The following CTDSPL variants were observed in gnomAD, a reference collection of about 807,000 sequenced individuals.
The protein encoded by CTDSPL is CTD small phosphatase-like protein.
A neutral mutation model predicts 30.5 loss-of-function variants in CTDSPL; 8 were observed. That is an observed-to-expected ratio of 0.26 (90% confidence interval 0.15 to 0.47). The LOEUF (loss-of-function observed/expected upper bound fraction) is 0.47, where lower values mean the gene tolerates loss of function less well. Ranked by LOEUF, CTDSPL falls within the 20% of genes least tolerant of loss-of-function variation. The probability of loss-of-function intolerance (pLI) is 0.99; values close to 1 mark genes in which losing one functional copy is unlikely to be tolerated. For missense variants in CTDSPL, 248 were observed against 366.1 expected, an observed-to-expected ratio of 0.68 and a Z score of 2.63; for synonymous variants, 110 against 137.9, an observed-to-expected ratio of 0.80 and a Z score of 1.42.
intron 5 of CTDSPL, among the ~76,000 whole-genome samples, chr3:37,970,803 C>T (rs529623870): frequency 6.6e-6 from 1 of 152,350 alleles, no homozygotes; most frequent in African/African-American, 2.4e-5. Flanking sequence ...GATGGTTTCA[C>T]ATCCCCTGAA....
At chr3:37,948,808 CTTTTTT>C (rs71635858) in intron 2 of CTDSPL, among the ~76,000 whole-genome samples, 1,367 of 108,102 alleles carry the variant, frequency 0.013, 22 homozygotes, top group African/African-American at 0.051. Context: ...TTCCAGCTTT[CTTTTTT>C]TTTTTTTTTT....
At chr3:37,870,975 C>T (rs115812771) in intron 1 of CTDSPL, among the ~76,000 whole-genome samples, 2 of 152,058 alleles carry the variant, frequency 1.3e-5, no homozygotes. Flanking sequence ...CACCCAAGGT[C>T]CAAGAACATA....
At chr3:37,953,680 G>A (rs918404096) in intron 2 of CTDSPL, among the ~76,000 whole-genome samples, 7 of 152,044 alleles carry the variant, frequency 4.6e-5, no homozygotes, top group Non-Finnish European at 8.8e-5. Flanking sequence ...GATAATTAGG[G>A]GCACTTTATG....
intron 1 of CTDSPL, among the ~76,000 whole-genome samples, chr3:37,894,289 T>A (rs1362565876): frequency 6.6e-6 from 1 of 150,834 alleles, no homozygotes; most frequent in Non-Finnish European, 1.5e-5. Context: ...GAGACGAGAG[T>A]CTCGCTAGAG....
chr3:37,983,672 A>G lies in CTDSPL; in HGVS notation c.*2805A>G, dbSNP rs1699519231. Reference sequence around the variant, plus strand: ...GGTTTGTGGACTGCAGCCCACTATGATGTTATTACTTCTCTGGCCAGGCCT... The same window carrying G: ...GGTTTGTGGACTGCAGCCCACTATGGTGTTATTACTTCTCTGGCCAGGCCT... On this transcript the variant is annotated 3_prime_UTR_variant, in exon 8 of 8. Transcript: ENST00000273179. 6.5e-6 allele frequency: 1 copy of G among 153,490 alleles called. No individual in the cohort carries two copies. Among genetic ancestry groups the G allele is most frequent in the Admixed American group, 6.4e-5 (1 of 15,596 alleles). The allele number at this position is 153,490 out of a possible 1,614,324, so 9.5% of individuals were successfully genotyped here. A position where few individuals can be genotyped will look rare whatever the true frequency, so the allele number is the denominator to read the frequency against.
chr3:37,944,147 TC>T (rs771161507), intron 1 of CTDSPL, among the ~76,000 whole-genome samples: 30 of 149,354 alleles, frequency 2.0e-4, no homozygotes, highest in East Asian at 5.9e-4. Flanking sequence ...GACTGTTTAC[TC>T]CCCCCCCATT....
chr3:37,949,099 C>T (rs954262873), intron 2 of CTDSPL, among the ~76,000 whole-genome samples: 10 of 152,274 alleles, frequency 6.6e-5, no homozygotes, highest in South Asian at 2.1e-4. Context: ...GGATTACAGG[C>T]GTGAGCCACC....
chr3:37,863,166 G>A (rs1410016453), intron 1 of CTDSPL, among the ~76,000 whole-genome samples: 1 of 152,320 alleles, frequency 6.6e-6, no homozygotes, highest in South Asian at 2.1e-4. Context: ...CATGTTGGGA[G>A]GACTTACAAG....
intron 1 of CTDSPL, among the ~76,000 whole-genome samples, chr3:37,907,338 A>G (rs1698530261): frequency 6.6e-6 from 1 of 152,234 alleles, no homozygotes; most frequent in South Asian, 2.1e-4. Context: ...TTTTAAACCT[A>G]TACATTCTTA....
chr3:37,947,049 G>C lies in CTDSPL; in HGVS notation c.80-8G>C. The C allele has an allele frequency of 2.5e-6, 4 of 1,612,222 alleles. No homozygotes were observed. Among genetic ancestry groups the C allele is most frequent in the Non-Finnish European group, 3.4e-6 (4 of 1,178,814 alleles). ...GTTGGCCATAGTGTGCTCTGTTTCT[G>C]TTTCCAGCCTCCCAGTGCAACGTCA... On this transcript the variant is annotated splice_region_variant and splice_polypyrimidine_tract_variant and intron_variant, in intron 1 of 7. Transcript: ENST00000273179.
intron 1 of CTDSPL, among the ~76,000 whole-genome samples, chr3:37,916,049 C>T (rs1418310957): frequency 1.3e-5 from 2 of 152,134 alleles, no homozygotes; most frequent in Non-Finnish European, 2.9e-5. Flanking sequence ...GGGTATAGCC[C>T]TTGGAGAATG....
At chr3:37,967,611 A>T (rs1171812204) in intron 4 of CTDSPL, among the ~76,000 whole-genome samples, 1 of 152,242 alleles carries the variant, frequency 6.6e-6, no homozygotes, top group Non-Finnish European at 1.5e-5. Flanking sequence ...ATATTGGACC[A>T]AGATGCTGAA....
intron 5 of CTDSPL, 97 bp from the exon 6 acceptor site, chr3:37,971,310 A>T: frequency 9.4e-7 from 1 of 1,065,244 alleles, no homozygotes; most frequent in Admixed American, 2.0e-5. Context: ...GGAGGCAGGA[A>T]CCTTTGTAGC....
chr3:37,920,267 C>T (rs541448455), intron 1 of CTDSPL, among the ~76,000 whole-genome samples: 10 of 152,254 alleles, frequency 6.6e-5, no homozygotes, highest in Non-Finnish European at 1.0e-4. Flanking sequence ...GGACTGTTGC[C>T]GGAGGTGAGA....
chr3:37,883,545 G>A (rs1348863664), intron 1 of CTDSPL, among the ~76,000 whole-genome samples: 3 of 152,202 alleles, frequency 2.0e-5, no homozygotes, highest in Non-Finnish European at 4.4e-5. Context: ...TTCAAAAGAG[G>A]TTGGCCTGTG....
Position 37,975,991 on chromosome 3 carries a change from T to C in CTDSPL, c.705+97T>C, listed in dbSNP as rs1035390711. 1.2e-5 allele frequency: 16 copies of C among 1,298,450 alleles called. No homozygotes were observed. The African/African-American group carries it at 2.2e-4, about 18-fold the overall frequency. 80.4% of individuals were successfully genotyped at this position (1,298,450 alleles called of 1,614,324 possible). ...TTGAGCACCTACACAAGAAGGTCTC[T>C]GGGCCTTTTCCTAATGAAATCCCAG... On this transcript the variant is annotated intron_variant, in intron 7 of 7. Coordinates refer to ENST00000273179, the MANE Select transcript of CTDSPL (RefSeq NM_001008392.2). This position sits in a 1 kb window ranked among gnomAD's most constrained non-coding sequence, Gnocchi z 4.9.
At chr3:37,934,646 G>C (rs1239772018) in intron 1 of CTDSPL, among the ~76,000 whole-genome samples, 1 of 152,216 alleles carries the variant, frequency 6.6e-6, no homozygotes, top group Non-Finnish European at 1.5e-5. Context: ...TGTGAATTGG[G>C]TTCCCCAAAT....
Position 37,947,160 on chromosome 3 carries a change from C to T in CTDSPL, c.183C>T (p.Ser61=). Residue 61 remains serine (S), a synonymous_variant, in exon 2 of 8, where the codon AGC becomes AGT. Transcript: ENST00000273179. ...RDYNVEAPPP[S]SPSVLPPLVE... ...ACAATGTGGAGGCCCCTCCACCCAG[C>T]AGCCCCAGTGTGCTTCCGCCACTGG... 1 of 1,612,956 alleles carries T rather than the reference C, an allele frequency of 6.2e-7. No individual in the cohort carries two copies. Among genetic ancestry groups the T allele is most frequent in the Non-Finnish European group, 8.5e-7 (1 of 1,179,980 alleles).
rs1168321790 is a variant in CTDSPL at position 37,960,533 on chromosome 3, T to TAC, written c.267+3391_267+3392insCA. On this transcript the variant is annotated intron_variant, in intron 3 of 7. Coordinates refer to ENST00000273179, the MANE Select transcript of CTDSPL (RefSeq NM_001008392.2). ...ATATATATATATATATATATATATA[T>TAC]ATACACACACACACACACACACACA... Among the ~76,000 whole-genome samples, 267 of 33,554 alleles carry TAC rather than the reference T, an allele frequency of 8.0e-3. 1 individual carries two copies. The highest frequency in any genetic ancestry group is 0.011 in the Admixed American group (23 of 2,108). The allele number at this position is 33,554 out of a possible 152,430, so 22.0% of individuals were successfully genotyped here.
Sources: allele counts gnomAD v4.1 joint callset (sites outside exome capture counted in the v4.1 genomes callset), GRCh38; gene constraint gnomAD v4.1.1; non-coding constraint Gnocchi (gnomAD v3.1); transcripts MANE v1.5; gene names NCBI Gene and HGNC (gene_info 2026-07-23, HGNC 2026-07-21).